Variants in SND1 observed in about 807,000 individuals in gnomAD.
The protein encoded by SND1 is staphylococcal nuclease domain-containing protein 1.
Under a neutral mutation model 121.7 loss-of-function variants are expected in SND1, and 38 were observed. The observed-to-expected ratio is 0.31, with a 90% CI of 0.24 to 0.41. SND1 has a LOEUF of 0.41. Among genes scored for constraint, SND1 ranks in the 10% least tolerant of loss-of-function variants. The pLI is 1.00. For synonymous variants in SND1, 401 were observed against 447.4 expected, an observed-to-expected ratio of 0.90 and a Z score of 1.31; for missense variants, 868 against 1,184.6, an observed-to-expected ratio of 0.73 and a Z score of 3.92.
intron 15 of SND1, among the ~76,000 whole-genome samples, chr7:127,975,374 T>C (rs967255088): frequency 6.9e-6 from 1 of 143,958 alleles, no homozygotes; most frequent in African/African-American, 2.8e-5. Flanking sequence ...TGTGAGAGAT[T>C]GACTCCCCTC....
chr7:127,960,527 T>G (rs114247305), intron 15 of SND1, among the ~76,000 whole-genome samples: 177 of 152,342 alleles, frequency 1.2e-3, no homozygotes, highest in African/African-American at 4.0e-3. Flanking sequence ...TGCAGAAGTT[T>G]TGCTGAGCAT....
intron 16 of SND1, among the ~76,000 whole-genome samples, chr7:128,000,490 C>G (rs1213622857): frequency 6.6e-6 from 1 of 151,760 alleles, no homozygotes; most frequent in Admixed American, 6.6e-5. Flanking sequence ...ACCTCAGCCT[C>G]TCAAGTAGGT....
At chr7:127,961,084 C>T (rs750790339) in intron 15 of SND1, among the ~76,000 whole-genome samples, 8 of 152,156 alleles carry the variant, frequency 5.3e-5, no homozygotes, top group African/African-American at 7.2e-5. Flanking sequence ...TAAATACAGC[C>T]CTATCATTTT....
chr7:127,695,692 G>A (rs1265467362), intron 3 of SND1, among the ~76,000 whole-genome samples: 1 of 152,166 alleles, frequency 6.6e-6, no homozygotes, highest in Non-Finnish European at 1.5e-5. Context: ...CAGGCGTGGT[G>A]GCGCACGCCT....
intron 14 of SND1, among the ~76,000 whole-genome samples, chr7:127,907,863 G>T (rs1416608931): frequency 6.6e-6 from 1 of 152,140 alleles, no homozygotes; most frequent in African/African-American, 2.4e-5. Context: ...ACAGAGTAAA[G>T]GTCAGAGTGC....
intron 15 of SND1, among the ~76,000 whole-genome samples, chr7:127,986,246 G>C (rs1292536196): frequency 6.6e-6 from 1 of 152,186 alleles, no homozygotes; most frequent in Non-Finnish European, 1.5e-5. Context: ...TGACTGACCA[G>C]AGTATTTGTG....
intron 10 of SND1, among the ~76,000 whole-genome samples, chr7:127,788,159 C>G (rs1182273009): frequency 2.0e-5 from 3 of 152,166 alleles, no homozygotes; most frequent in African/African-American, 7.2e-5. Context: ...TCATTTAGAT[C>G]TAGTCAACCC....
chr7:127,668,436 T>G (rs930960790), intron 1 of SND1, among the ~76,000 whole-genome samples: 26 of 152,228 alleles, frequency 1.7e-4, no homozygotes, highest in African/African-American at 4.8e-4. Context: ...AGAATAATTG[T>G]TTAGTATCAG....
chr7:127,922,169 T>A (rs868479111), intron 14 of SND1, among the ~76,000 whole-genome samples: 1 of 133,554 alleles, frequency 7.5e-6, no homozygotes, highest in Non-Finnish European at 1.6e-5. Context: ...TTTCTTTTTT[T>A]CTTTCCTTTT....
Position 128,029,665 on chromosome 7 carries a change from A to C in SND1, c.1779+38609A>C, listed in dbSNP as rs1267422375. 6.2e-7 allele frequency: 1 copy of C among 1,614,006 alleles called. No individual in the cohort carries two copies. Among genetic ancestry groups the C allele is most frequent in the South Asian group, 1.1e-5 (1 of 91,066 alleles). On this transcript the variant is annotated intron_variant, in intron 16 of 23. Coordinates refer to ENST00000354725, the MANE Select transcript of SND1 (RefSeq NM_014390.4). The surrounding 1 kb of genome is among the most constrained non-coding windows in gnomAD (Gnocchi z 4.2). Reference sequence around the variant, plus strand: ...TGCATGGGAGCATGACAGCGGCCACAGCAGGTGGAATTGGTGGGTATATAC... The same window carrying C: ...TGCATGGGAGCATGACAGCGGCCACCGCAGGTGGAATTGGTGGGTATATAC...
intron 16 of SND1, chr7:128,032,071 C>T (rs2116991520): frequency 6.6e-6 from 1 of 152,052 alleles, no homozygotes; most frequent in East Asian, 1.9e-4. Context: ...GCAGACTGCT[C>T]TCTCATCCTT....
intron 14 of SND1, among the ~76,000 whole-genome samples, chr7:127,913,928 AT>A (rs1450523632): frequency 6.6e-6 from 1 of 152,188 alleles, no homozygotes; most frequent in African/African-American, 2.4e-5. Context: ...CTTACAACAT[AT>A]TCCCTACAGA....
chr7:127,704,162 CCTT>C (rs1215280223), intron 7 of SND1, among the ~76,000 whole-genome samples: 1 of 152,118 alleles, frequency 6.6e-6, no homozygotes, highest in Non-Finnish European at 1.5e-5. Flanking sequence ...TGTAAGATGG[CCTT>C]CTTTTTAACA....
intron 10 of SND1, among the ~76,000 whole-genome samples, chr7:127,801,954 G>T (rs1386262505): frequency 6.6e-6 from 1 of 152,022 alleles, no homozygotes; most frequent in African/African-American, 2.4e-5. Flanking sequence ...CCATTCTCCT[G>T]CCTCAGCCTC....
intron 16 of SND1, among the ~76,000 whole-genome samples, chr7:128,025,756 C>T (rs1192030226): frequency 6.6e-6 from 1 of 152,180 alleles, no homozygotes; most frequent in Non-Finnish European, 1.5e-5. Flanking sequence ...GTAAGGAACT[C>T]TCCCTGCAGC....
At chr7:127,757,168 C>G (rs1009891755) in intron 10 of SND1, among the ~76,000 whole-genome samples, 2 of 152,168 alleles carry the variant, frequency 1.3e-5, no homozygotes, top group African/African-American at 4.8e-5. Flanking sequence ...TCTCAAACTT[C>G]AGTCAGTGCA....
chr7:127,715,657 G>A (rs1313709123), intron 9 of SND1, among the ~76,000 whole-genome samples: 1 of 152,110 alleles, frequency 6.6e-6, no homozygotes, highest in African/African-American at 2.4e-5. Flanking sequence ...TTGGGTATAT[G>A]ATTGGCAAAT....
chr7:127,921,319 G>A (rs1185948419), intron 14 of SND1, among the ~76,000 whole-genome samples: 1 of 151,922 alleles, frequency 6.6e-6, no homozygotes, highest in African/African-American at 2.4e-5. Context: ...CTTTTTTTCT[G>A]TGCTTTTCTA....
At chr7:127,958,960 C>G (rs971234657) in intron 15 of SND1, among the ~76,000 whole-genome samples, 1 of 152,102 alleles carries the variant, frequency 6.6e-6, no homozygotes, top group Non-Finnish European at 1.5e-5. Context: ...GATTGCTGCT[C>G]TTATTATGGT....
Sources: allele counts gnomAD v4.1 joint callset (sites outside exome capture counted in the v4.1 genomes callset), GRCh38; gene constraint gnomAD v4.1.1; non-coding constraint Gnocchi (gnomAD v3.1); transcripts MANE v1.5; gene names NCBI Gene and HGNC (gene_info 2026-07-23, HGNC 2026-07-21).